Variants in LMAN1 observed in about 807,000 individuals in gnomAD.
LMAN1 encodes the protein protein ERGIC-53.
LMAN1 carries 32 observed loss-of-function variants against 67.8 expected under a neutral mutation model. That is an observed-to-expected ratio of 0.47 (90% CI 0.36 to 0.63). The LOEUF (loss-of-function observed/expected upper bound fraction) is 0.63. Ranked by LOEUF, LMAN1 falls within the 30% of genes least tolerant of loss-of-function variation. The probability of loss-of-function intolerance (pLI) is 0.00; values close to 1 mark genes in which losing one functional copy is unlikely to be tolerated. For missense variants in LMAN1, 632 were observed against 628.2 expected (o/e 1.01, Z -0.06); for synonymous variants, 235 against 219.3 (o/e 1.07, Z -0.63).
chr18:59,349,418 CTA>C (rs763168870), intron 5 of LMAN1, among the ~76,000 whole-genome samples, 182 bp from the exon 6 acceptor site: 1 of 152,124 alleles, frequency 6.6e-6, no homozygotes, highest in South Asian at 2.1e-4. Context: ...TTTTGCCCCA[CTA>C]TGTGTCAAAA....
chr18:59,355,811 G>T (rs958082631), intron 1 of LMAN1, among the ~76,000 whole-genome samples, 153 bp from the exon 2 acceptor site: 13 of 152,084 alleles, frequency 8.5e-5, no homozygotes, highest in African/African-American at 3.1e-4. Flanking sequence ...AACTTTAAAA[G>T]TTTAGGGCTA....
At chr18:59,343,821 C>A (rs1344783731) in intron 8 of LMAN1, among the ~76,000 whole-genome samples, 1 of 152,046 alleles carries the variant, frequency 6.6e-6, no homozygotes, top group East Asian at 1.9e-4. Flanking sequence ...TAAAAAGCTT[C>A]TACACAGCAA....
At chr18:59,331,601 A>C in intron 11 of LMAN1, 62 bp from the exon 12 acceptor site, 2 of 1,553,006 alleles carry the variant, frequency 1.3e-6, no homozygotes, top group Non-Finnish European at 1.8e-6. Flanking sequence ...AAAGAAATAA[A>C]TGTGAAATCT....
intron 5 of LMAN1, among the ~76,000 whole-genome samples, chr18:59,350,066 TTAAGA>T (rs1908507263): frequency 6.6e-6 from 1 of 152,210 alleles, no homozygotes; most frequent in Non-Finnish European, 1.5e-5. Flanking sequence ...TGTCAGAGAC[TTAAGA>T]TTCAGTCACA....
chr18:59,358,466 G>C (rs538047786), intron 1 of LMAN1, among the ~76,000 whole-genome samples: 6 of 152,140 alleles, frequency 3.9e-5, no homozygotes, highest in African/African-American at 1.4e-4. Context: ...GACATACAAA[G>C]ACTTAAAAAA....
intron 10 of LMAN1, among the ~76,000 whole-genome samples, chr18:59,337,191 T>C (rs1426067781): frequency 6.7e-6 from 1 of 148,622 alleles, no homozygotes; most frequent in Non-Finnish European, 1.5e-5. Context: ...ATATAACATA[T>C]TATAATATAT....
At chr18:59,338,252 ATTC>A (rs926735400) in intron 10 of LMAN1, among the ~76,000 whole-genome samples, 8 of 152,148 alleles carry the variant, frequency 5.3e-5, no homozygotes, top group Admixed American at 1.3e-4. Flanking sequence ...ATTATTTCAT[ATTC>A]TTTTTATATT....
At chr18:59,334,582 G>A (rs1311347943) in intron 10 of LMAN1, among the ~76,000 whole-genome samples, 1 of 152,162 alleles carries the variant, frequency 6.6e-6, no homozygotes, top group Non-Finnish European at 1.5e-5. Context: ...TTTAAGGGAC[G>A]ATGGAAGGAG....
intron 5 of LMAN1, among the ~76,000 whole-genome samples, chr18:59,351,778 G>A (rs1392502716): frequency 6.6e-6 from 1 of 152,212 alleles, no homozygotes; most frequent in Admixed American, 6.5e-5. Flanking sequence ...CACCATGCTT[G>A]ATGTCTGGGC....
At position 59,330,751 on chromosome 18, in the gene LMAN1, G is replaced by A. The variant is rs777616493; in HGVS notation, c.*342C>T. The A allele has an allele frequency of 1.9e-4, 48 of 250,998 alleles. No homozygotes were observed. Among genetic ancestry groups the A allele is most frequent in the African/African-American group, 6.6e-4 (29 of 43,828 alleles). 15.5% of individuals were successfully genotyped at this position (250,998 alleles called of 1,614,324 possible). On this transcript the variant is annotated 3_prime_UTR_variant, in exon 13 of 13. Coordinates refer to ENST00000251047, the MANE Select transcript of LMAN1 (RefSeq NM_005570.4). ...GAGGCATGAGGGCAAGTGTGTTTAC[G>A]TTATACAGGGAAACCTGCAATATTG... is the stretch of plus-strand genomic sequence containing the variant.
intron 10 of LMAN1, among the ~76,000 whole-genome samples, chr18:59,334,370 C>T (rs1908096264): frequency 6.6e-6 from 1 of 152,012 alleles, no homozygotes; most frequent in South Asian, 2.1e-4. Flanking sequence ...AAATATCTGC[C>T]CTGTGGAGAT....
rs1407791162 is a variant in LMAN1, at chr18:59,329,442, T to A, written c.*1651A>T. ...AAATATTCCTCTGAAGGTATTTAAT[T>A]TTTTTTCATGGAGCAAGAGTAAATT... On this transcript the variant is annotated 3_prime_UTR_variant, in exon 13 of 13. Coordinates refer to ENST00000251047, the MANE Select transcript of LMAN1 (RefSeq NM_005570.4). The A allele has an allele frequency of 6.6e-6, 1 of 152,152 alleles. No homozygotes were observed. The highest frequency in any genetic ancestry group is 2.4e-5 in the African/African-American group (1 of 41,434). The allele number at this position is 152,152 out of a possible 1,614,324, so 9.4% of individuals were successfully genotyped here.
At chr18:59,345,708 A>G (rs1309106599) in intron 8 of LMAN1, among the ~76,000 whole-genome samples, 1 of 152,188 alleles carries the variant, frequency 6.6e-6, no homozygotes, top group Non-Finnish European at 1.5e-5. Context: ...TCTTTATTTC[A>G]TACATGACTA....
chr18:59,348,285 G>T (rs893106524), intron 6 of LMAN1, among the ~76,000 whole-genome samples: 1 of 152,218 alleles, frequency 6.6e-6, no homozygotes, highest in Non-Finnish European at 1.5e-5. Context: ...ACGGAATCTA[G>T]AGATGTAGAC....
chr18:59,358,524 G>A (rs181229485), intron 1 of LMAN1, among the ~76,000 whole-genome samples: 198 of 152,128 alleles, frequency 1.3e-3, no homozygotes, highest in Non-Finnish European at 2.0e-3. Context: ...CAGTGGGCAT[G>A]GGGTTCAAGC....
rs1127220 is a variant in LMAN1, at chr18:59,355,522, T to G, written c.351A>C (p.Arg117=). 1.2e-6 allele frequency: 2 copies of G among 1,613,886 alleles called. No individual in the cohort carries two copies. Among genetic ancestry groups the G allele is most frequent in the South Asian group, 2.2e-5 (2 of 91,078 alleles). ...ATCATACTAGGCCATCAGCTCCAATTCGACCTCTTCCAGTCACTCGAAATG... is the reference window on the plus strand; with the variant it reads ...ATCATACTAGGCCATCAGCTCCAATGCGACCTCTTCCAGTCACTCGAAATG... The part of the protein sequence containing the change: ...EVTFRVTGRG[R]IGADGLAIWY... Residue 117 remains arginine (R), a synonymous_variant, in exon 2 of 13, where the codon CGA becomes CGC. Coordinates refer to ENST00000251047, the MANE Select transcript of LMAN1 (RefSeq NM_005570.4).
intron 10 of LMAN1, among the ~76,000 whole-genome samples, chr18:59,336,426 C>T (rs2144212417): frequency 6.6e-6 from 1 of 152,220 alleles, no homozygotes; most frequent in South Asian, 2.1e-4. Context: ...ACAATTTGAG[C>T]AGCAAAATAA....
chr18:59,338,629 T>C lies in LMAN1; in HGVS notation c.1150-2A>G. Reference sequence around the variant, plus strand: ...AGTATCCAGTTCTTGTTGAGTAATCTGGAGGAAGAAACAATGACGAGCAAG... The same window carrying C: ...AGTATCCAGTTCTTGTTGAGTAATCCGGAGGAAGAAACAATGACGAGCAAG... On this transcript the variant is annotated splice_acceptor_variant, in intron 9 of 12. Transcript: ENST00000251047. LOFTEE classifies it high-confidence loss of function. 1 of 1,613,580 alleles carries C rather than the reference T, an allele frequency of 6.2e-7. No individual in the cohort carries two copies. Among genetic ancestry groups the C allele is most frequent in the African/African-American group, 1.3e-5 (1 of 75,060 alleles).
In LMAN1 at chr18:59,331,015, AG is replaced by A; in HGVS notation, c.*77del. 2 of 920,006 alleles carry A rather than the reference AG, an allele frequency of 2.2e-6. No individual in the cohort carries two copies. Among genetic ancestry groups the A allele is most frequent in the Admixed American group, 3.9e-5 (2 of 50,954 alleles). 57.0% of individuals were successfully genotyped at this position (920,006 alleles called of 1,614,324 possible). A position where few individuals can be genotyped will look rare whatever the true frequency, so the allele number is the denominator to read the frequency against. On this transcript the variant is annotated 3_prime_UTR_variant, in exon 13 of 13. Coordinates refer to ENST00000251047, the MANE Select transcript of LMAN1 (RefSeq NM_005570.4). ...AGAAAATTAATAATTTAGACTATGA[AG>A]CAATTTAAATACTTAAATTCCCTCA...
Sources: gnomAD v4.1 joint callset for allele counts (sites outside exome capture counted in the v4.1 genomes callset) on GRCh38, gnomAD v4.1.1 for gene constraint, MANE v1.5 for transcripts, NCBI Gene and HGNC (gene_info 2026-07-23, HGNC 2026-07-21) for gene names.